Variants in EEF1B2 observed in about 807,000 individuals in gnomAD.
The protein encoded by EEF1B2 is elongation factor 1-beta.
In EEF1B2, 12 loss-of-function variants were observed where a neutral mutation model predicts 28.3. That is an observed-to-expected ratio of 0.42 (90% CI 0.27 to 0.69). The LOEUF (loss-of-function observed/expected upper bound fraction) is 0.69, where lower values mean the gene tolerates loss of function less well. Among genes scored for constraint, EEF1B2 ranks in the 30% least tolerant of loss-of-function variants. The pLI is 0.22. For missense variants in EEF1B2, 234 were observed against 272.6 expected, an observed-to-expected ratio of 0.86 and a Z score of 1.00; for synonymous variants, 83 against 99.9, an observed-to-expected ratio of 0.83 and a Z score of 1.01.
At position 206,161,371 on chromosome 2, in the gene EEF1B2, G is replaced by A. The variant is rs1687924027; in HGVS notation, c.229G>A (p.Gly77Ser). ...ASLPGVKKAL[G>S]KYGPADVEDT... ...CCTGCCAGGAGTGAAGAAAGCTTTG[G>A]GCAAATATGGTCCTGCCGATGTGGA... The change falls in exon 3 of 6, where the codon GGC becomes AGC. Residue 77 changes from glycine to serine, a missense_variant. By Grantham distance (56) the Gly-to-Ser change is moderately conservative (BLOSUM62 0). This residue lies in a region of EEF1B2 where 178 missense variants were observed against 173.3 expected (regional missense o/e 1.03). Transcript: ENST00000392222. 1 of 1,614,008 alleles carries A rather than the reference G, an allele frequency of 6.2e-7. No homozygotes were observed. The highest frequency in any genetic ancestry group is 8.5e-7 in the Non-Finnish European group (1 of 1,180,028).
Position 206,159,932 on chromosome 2 carries a change from G to C in EEF1B2, c.-48G>C. On this transcript the variant is annotated 5_prime_UTR_variant, in exon 1 of 6. Coordinates refer to ENST00000392222, the MANE Select transcript of EEF1B2 (RefSeq NM_001959.4). ...CTTCAGCGTGGGGCGCCCACAATTT[G>C]CGCGCTCTCTTTCTGCTGCTCCCCA... The C allele has an allele frequency of 1.9e-6, 3 of 1,595,668 alleles. No individual in the cohort carries two copies. Among genetic ancestry groups the C allele is most frequent in the Non-Finnish European group, 2.6e-6 (3 of 1,172,778 alleles).
rs1383622503 is a variant in EEF1B2 at position 206,160,143 on chromosome 2, C to G, written c.80+84C>G. The G allele has an allele frequency of 8.8e-6, 13 of 1,483,024 alleles. No homozygotes were observed. The African/African-American group carries it at 2.0e-4, about 23-fold the overall frequency. The allele number at this position is 1,483,024 out of a possible 1,614,324, so 91.9% of individuals were successfully genotyped here. A position where few individuals can be genotyped will look rare whatever the true frequency, so the allele number is the denominator to read the frequency against. On this transcript the variant is annotated intron_variant, in intron 1 of 5. Transcript: ENST00000392222. The stretch of plus-strand genomic sequence containing the variant: ...ACGTGGCGCAGCGTGTCGGCTGCCG[C>G]GGGAGGGAGGGAGGCCGGGCCCGGG...
At chr2:206,162,391 A>G in intron 4 of EEF1B2, 98 bp from the exon 5 acceptor site, 3 of 1,579,362 alleles carry the variant, frequency 1.9e-6, no homozygotes, top group Non-Finnish European at 2.6e-6. Context: ...GGCTAAGGAG[A>G]TAGTCTCAAA....
At position 206,161,972 on chromosome 2, in the gene EEF1B2, A is replaced by G. The variant is rs191931752; in HGVS notation, c.331-66A>G. 1,322 of 1,359,046 alleles carry G rather than the reference A, an allele frequency of 9.7e-4. 5 individuals are homozygous for G. Among genetic ancestry groups the G allele is most frequent in the Middle Eastern group, 2.2e-3 (12 of 5,568 alleles). 84.2% of individuals were successfully genotyped at this position (1,359,046 alleles called of 1,614,324 possible). ...GATTAAGCCAGTCTTTTTTGTGATG[A>G]CCCCACTAGCTTTAAGCAGAGGAAC... On this transcript the variant is annotated intron_variant, in intron 3 of 5. Coordinates refer to ENST00000392222, the MANE Select transcript of EEF1B2 (RefSeq NM_001959.4).
chr2:206,160,516 A>T lies in EEF1B2; in HGVS notation c.81-72A>T, dbSNP rs775123397. On this transcript the variant is annotated intron_variant, in intron 1 of 5. Transcript: ENST00000392222. ...GTGCCCACTAATTAATGTGATGCATACGGTATTTATTATTTATTCGCTGGC... is the reference window on the plus strand; with the variant it reads ...GTGCCCACTAATTAATGTGATGCATTCGGTATTTATTATTTATTCGCTGGC... The T allele has an allele frequency of 4.3e-6, 7 of 1,610,086 alleles. No individual in the cohort carries two copies. The Admixed American group carries it at 8.4e-5, about 19-fold the overall frequency.
At chr2:206,161,079 G>T (rs1271440757) in intron 2 of EEF1B2, 2 of 572,460 alleles carry the variant, frequency 3.5e-6, no homozygotes, top group African/African-American at 1.9e-5. Context: ...ATGGAACTGA[G>T]CATACTTAAT....
chr2:206,161,115 C>T, intron 2 of EEF1B2: 1 of 594,310 alleles, frequency 1.7e-6, no homozygotes. Context: ...AATGTTCATA[C>T]TGAAAGAGTA....
intron 4 of EEF1B2, 182 bp from the exon 5 acceptor site, chr2:206,162,307 A>T (rs1687956948): frequency 4.3e-6 from 5 of 1,172,658 alleles, no homozygotes; most frequent in Non-Finnish European, 6.4e-6. Context: ...GTTAACACAA[A>T]CACCTCTTTC....
In EEF1B2 at chr2:206,161,414, G is replaced by A; in HGVS notation, c.272G>A (p.Gly91Glu). 2 of 1,614,104 alleles carry A rather than the reference G, an allele frequency of 1.2e-6. No homozygotes were observed. The highest frequency in any genetic ancestry group is 1.7e-4 in the Middle Eastern group (1 of 6,060). ...PADVEDTTGS[G>E]ATDSKDDDDI... ...GATGTGGAAGACACTACAGGAAGTG[G>A]AGCTACAGATAGTAAAGATGATGAT... Residue 91 changes from glycine to glutamate, a missense_variant, in exon 3 of 6, where the codon GGA becomes GAA. Coordinates refer to ENST00000392222, the MANE Select transcript of EEF1B2 (RefSeq NM_001959.4).
chr2:206,160,143 CGGGA>C, intron 1 of EEF1B2, 84 bp downstream of exon 1: 2 of 1,482,876 alleles, frequency 1.3e-6, no homozygotes, highest in Non-Finnish European at 9.0e-7. Context: ...TCGGCTGCCG[CGGGA>C]GGGAGGGAGG....
At chr2:206,161,494 A>C (rs1017764136) in intron 3 of EEF1B2, 22 bp downstream of exon 3, 3 of 1,612,344 alleles carry the variant, frequency 1.9e-6, no homozygotes, top group Non-Finnish European at 2.5e-6. Flanking sequence ...TCTATAAAGA[A>C]CATATCGGCC....
rs544198333 is a variant in EEF1B2 at position 206,160,709 on chromosome 2, A to C, written c.202A>C (p.Ser68Arg). 1 of 1,614,174 alleles carries C rather than the reference A, an allele frequency of 6.2e-7. No homozygotes were observed. The highest frequency in any genetic ancestry group is 8.5e-7 in the Non-Finnish European group (1 of 1,180,030). Residue 68 changes from serine (S) to arginine (R), a missense_variant and splice_region_variant, in exon 2 of 6, where the codon AGC (serine) becomes CGC (arginine). Ser to Arg is a moderately radical substitution (Grantham distance 110). Transcript: ENST00000392222. ...CAAGTCTTACGAAAAGGAAAAGGCC[A>C]GGTAAAATCATCTTTGTATAGAGCT... ...HIKSYEKEKA[S>R]LPGVKKALGK...
Position 206,159,963 on chromosome 2 carries a change from C to T in EEF1B2, c.-17C>T. Reference sequence around the variant, plus strand: ...TCTCTTTCTGCTGCTCCCCAGCTCTCGGATACAGCCGACACCATGGGTTTC... The same window carrying T: ...TCTCTTTCTGCTGCTCCCCAGCTCTTGGATACAGCCGACACCATGGGTTTC... On this transcript the variant is annotated 5_prime_UTR_variant, in exon 1 of 6. Transcript: ENST00000392222. 1 of 1,609,874 alleles carries T rather than the reference C, an allele frequency of 6.2e-7. No homozygotes were observed. The highest frequency in any genetic ancestry group is 8.5e-7 in the Non-Finnish European group (1 of 1,178,890).
chr2:206,161,959 CTT>C (rs770603678), intron 3 of EEF1B2, 77 bp from the exon 4 acceptor site: 3 of 1,258,418 alleles, frequency 2.4e-6, no homozygotes, highest in Non-Finnish European at 3.5e-6. Flanking sequence ...TTAAGCCAGT[CTT>C]TTTTGTGATG....
At chr2:206,160,519 GTATT>G (rs1687887526) in intron 1 of EEF1B2, 65 bp from the exon 2 acceptor site, 3 of 1,611,004 alleles carry the variant, frequency 1.9e-6, no homozygotes, top group Non-Finnish European at 8.5e-7. Context: ...GATGCATACG[GTATT>G]TATTATTTAT....
At chr2:206,160,732 G>A (rs772931895) in intron 2 of EEF1B2, 22 bp downstream of exon 2, 13 of 1,613,910 alleles carry the variant, frequency 8.1e-6, no homozygotes, top group East Asian at 2.2e-5. Flanking sequence ...TTTGTATAGA[G>A]CTGAAGAATA....
intron 3 of EEF1B2, chr2:206,161,832 G>A (rs1302483035): frequency 1.4e-6 from 1 of 739,314 alleles, no homozygotes; most frequent in Admixed American, 1.7e-5. Flanking sequence ...CAAATTGCCT[G>A]GATTTGAATC....
At position 206,159,915 on chromosome 2, in the gene EEF1B2, T is replaced by C; in HGVS notation, c.-65T>C. ...CGGGTCCTTTTTCCTCTCTTCAGCG[T>C]GGGGCGCCCACAATTTGCGCGCTCT... On this transcript the variant is annotated 5_prime_UTR_variant, in exon 1 of 6. Coordinates refer to ENST00000392222, the MANE Select transcript of EEF1B2 (RefSeq NM_001959.4). 1 of 1,578,644 alleles carries C rather than the reference T, an allele frequency of 6.3e-7. No individual in the cohort carries two copies.
intron 2 of EEF1B2, chr2:206,160,913 C>A: frequency 1.2e-6 from 1 of 836,510 alleles, no homozygotes; most frequent in Non-Finnish European, 2.0e-6. Context: ...AGCAATTCAA[C>A]TTTTCCCCAC....
Sources: gnomAD v4.1 joint callset for allele counts on GRCh38, gnomAD v4.1.1 for gene constraint, gnomAD v4.1.1 regional missense constraint, MANE v1.5 for transcripts, NCBI Gene and HGNC (gene_info 2026-07-23, HGNC 2026-07-21) for gene names.